TRRAP: variants seen among roughly 807,000 people sequenced by gnomAD.
TRRAP encodes the protein transformation/transcription domain associated protein, also known as transformation/transcription domain-associated protein.
TRRAP carries 41 observed loss-of-function variants against 438.8 expected under a neutral mutation model. That is an observed-to-expected ratio of 0.09 (90% confidence interval 0.07 to 0.12). TRRAP has a LOEUF of 0.12. Among genes scored for constraint, TRRAP ranks in the 10% least tolerant of loss-of-function variants. TRRAP has a pLI of 1.00. For synonymous variants in TRRAP, 1,994 were observed against 1,962.9 expected, an observed-to-expected ratio of 1.02 and a Z score of -0.42; for missense variants, 3,122 against 5,055.1, an observed-to-expected ratio of 0.62 and a Z score of 11.60.
Position 98,949,557 on chromosome 7 carries a change from G to A in TRRAP, c.4929G>A (p.Leu1643=), listed in dbSNP as rs1490783325. Residue 1643 remains leucine (L), a synonymous_variant, in exon 36 of 73, where the codon CTG becomes CTA. Transcript: ENST00000456197. ...CGCCCAGCACCAGCACCATGCGCCT[G>A]GACCTCCAGTTCCAGGCCATCAAGG... is the stretch of plus-strand genomic sequence containing the variant. ...PGSPSTSTMR[L]DLQFQAIKII... The A allele has an allele frequency of 4.4e-6, 7 of 1,587,398 alleles. No individual in the cohort carries two copies. The highest frequency in any genetic ancestry group is 6.0e-6 in the Non-Finnish European group (7 of 1,167,236).
In TRRAP at chr7:98,977,210, G is replaced by A. The variant is rs1349109354; in HGVS notation, c.8385+134G>A. 4.9e-6 allele frequency: 6 copies of A among 1,233,426 alleles called. No homozygotes were observed. In the South Asian group the frequency reaches 7.2e-5, roughly 15 times the overall value. The allele number at this position is 1,233,426 out of a possible 1,614,324, so 76.4% of individuals were successfully genotyped here. Reference sequence around the variant, plus strand: ...GGAGTCTTGCTCTGTCGCCCAGCCTGGAGTGCAGTGGCACAATCTCGGCTC... The same window carrying A: ...GGAGTCTTGCTCTGTCGCCCAGCCTAGAGTGCAGTGGCACAATCTCGGCTC... On this transcript the variant is annotated intron_variant, in intron 56 of 72. Coordinates refer to ENST00000456197, the MANE Select transcript of TRRAP (RefSeq NM_001375524.1).
chr7:98,976,894 A>T lies in TRRAP; in HGVS notation c.8248-45A>T, dbSNP rs777687469. On this transcript the variant is annotated intron_variant, in intron 55 of 72. Transcript: ENST00000456197. The surrounding 1 kb of genome is among the most constrained non-coding windows in gnomAD (Gnocchi z 4.6). ...TGAAACTATTTTTAGGGGGGAAAAAAAGTCTCTGTCTCAAGCACTCAGGAA... is the reference window on the plus strand; with the variant it reads ...TGAAACTATTTTTAGGGGGGAAAAATAGTCTCTGTCTCAAGCACTCAGGAA... 7 of 1,607,576 alleles carry T rather than the reference A, an allele frequency of 4.4e-6. No individual in the cohort carries two copies. In the South Asian group the frequency reaches 7.7e-5, roughly 18 times the overall value.
chr7:98,886,402 A>AGATATCTAGAGAGATATG (rs1393990247), intron 3 of TRRAP, among the ~76,000 whole-genome samples: 1 of 152,132 alleles, frequency 6.6e-6, no homozygotes, highest in East Asian at 1.9e-4. Flanking sequence ...AGATAGATAT[A>AGATATCTAGAGAGATATG]GATATCTAGA....
chr7:98,931,290 G>A, intron 25 of TRRAP, 115 bp from the exon 26 acceptor site: 1 of 1,460,086 alleles, frequency 6.8e-7, no homozygotes, highest in Non-Finnish European at 9.2e-7. Context: ...AAAGCAGCTG[G>A]CGAGAAGGGC....
intron 3 of TRRAP, among the ~76,000 whole-genome samples, chr7:98,886,348 A>T (rs1479996667): frequency 6.6e-6 from 1 of 151,978 alleles, no homozygotes; most frequent in Non-Finnish European, 1.5e-5. Context: ...ATAGATATAG[A>T]TATCTATATA....
chr7:99,006,240 C>T (rs1481684649), intron 69 of TRRAP, among the ~76,000 whole-genome samples: 3 of 152,188 alleles, frequency 2.0e-5, no homozygotes, highest in African/African-American at 4.8e-5. Context: ...TCCCTGAAGT[C>T]GGGAGCCCGC....
rs368388358 is a variant in TRRAP at position 98,925,149 on chromosome 7, A to G, written c.2861A>G (p.Asn954Ser). The change falls in exon 22 of 73, where the codon AAC becomes AGC. Residue 954 changes from asparagine (N) to serine (S), a missense_variant. This residue lies in a region of TRRAP where 133 missense variants were observed against 188.6 expected (regional missense o/e 0.71). Transcript: ENST00000456197. ...ETALDCLKSA[N>S]TEPYYRRQAW... is the part of the protein sequence containing the mutation. ...GCTCTGGACTGCCTGAAAAGCGCCA[A>G]CACTGAGCCCTACTACCGGAGGCAG... 2.8e-5 allele frequency: 46 copies of G among 1,614,230 alleles called. No individual in the cohort carries two copies. Among genetic ancestry groups the G allele is most frequent in the Non-Finnish European group, 2.8e-5 (33 of 1,180,040 alleles).
chr7:99,010,773 T>C (rs1483774985), intron 70 of TRRAP, among the ~76,000 whole-genome samples: 1 of 152,236 alleles, frequency 6.6e-6, no homozygotes, highest in Non-Finnish European at 1.5e-5. Flanking sequence ...GATATTTACC[T>C]GCATTCTTGT....
In TRRAP at chr7:99,011,658, C is replaced by A. The variant is rs1794432536; in HGVS notation, c.11337+123C>A. On this transcript the variant is annotated intron_variant, in intron 72 of 72. Transcript: ENST00000456197. The surrounding 1 kb of genome is among the most constrained non-coding windows in gnomAD (Gnocchi z 7.1). ...TCTGCGCTCTCCACAGTGGCCAGCA[C>A]CCCTGTGTGTTATGTCCTTTGCTGT... The A allele has an allele frequency of 1.8e-6, 2 of 1,140,584 alleles. No homozygotes were observed. Among genetic ancestry groups the A allele is most frequent in the East Asian group, 2.5e-5 (1 of 39,376 alleles). The allele number at this position is 1,140,584 out of a possible 1,614,324, so 70.7% of individuals were successfully genotyped here. A position where few individuals can be genotyped will look rare whatever the true frequency, so the allele number is the denominator to read the frequency against.
At chr7:98,988,244 G>A (rs1793239758) in intron 62 of TRRAP, among the ~76,000 whole-genome samples, 1 of 152,170 alleles carries the variant, frequency 6.6e-6, no homozygotes, top group East Asian at 1.9e-4. Context: ...TAAGCATAGA[G>A]TTCCCACGTG....
At chr7:98,950,844 T>C (rs781889945) in intron 38 of TRRAP, 32 bp from the exon 39 acceptor site, 86 of 1,499,734 alleles carry the variant, frequency 5.7e-5, no homozygotes, top group Non-Finnish European at 7.5e-5. Context: ...TGGCTTTGTT[T>C]TTCTCCTTCT....
At chr7:98,981,997 GCCT>G (rs1373295372) in intron 59 of TRRAP, 37 bp downstream of exon 59, 23 of 1,484,328 alleles carry the variant, frequency 1.5e-5, no homozygotes, top group Non-Finnish European at 2.0e-5. Context: ...CAGGCCTGTG[GCCT>G]GTCGCAGCCA....
At chr7:98,973,726 T>C (rs1426097264) in intron 53 of TRRAP, among the ~76,000 whole-genome samples, 2 of 152,182 alleles carry the variant, frequency 1.3e-5, no homozygotes, top group Non-Finnish European at 2.9e-5. Flanking sequence ...AGGCCGGAGC[T>C]GCAGACGTCA....
At chr7:98,898,672 C>T (rs1021558754) in intron 8 of TRRAP, among the ~76,000 whole-genome samples, 1 of 152,136 alleles carries the variant, frequency 6.6e-6, no homozygotes, top group Non-Finnish European at 1.5e-5. Context: ...TTCCTTGTTT[C>T]ATGAGTCCTT....
intron 37 of TRRAP, 26 bp from the exon 38 acceptor site, chr7:98,950,037 AC>A (rs1554417867): frequency 6.2e-7 from 1 of 1,613,224 alleles, no homozygotes; most frequent in Admixed American, 1.7e-5. Context: ...CTCTAAGTTA[AC>A]CTGTCTTCTT....
At chr7:98,995,103 CTGCCCTCCT>C (rs1023478027) in intron 67 of TRRAP, among the ~76,000 whole-genome samples, 1 of 152,186 alleles carries the variant, frequency 6.6e-6, no homozygotes, top group Non-Finnish European at 1.5e-5. Flanking sequence ...TCAGGCCACA[CTGCCCTCCT>C]GCCCTCCTGC....
rs368850335 is a variant in TRRAP at position 98,897,794 on chromosome 7, A to G, written c.561A>G (p.Pro187=). 3.7e-6 allele frequency: 6 copies of G among 1,613,702 alleles called. No homozygotes were observed. The highest frequency in any genetic ancestry group is 5.1e-6 in the Non-Finnish European group (6 of 1,179,968). The change falls in exon 8 of 73, where the codon CCA becomes CCG. Residue 187 remains proline (P), a synonymous_variant. Transcript: ENST00000456197. ...TCCCCGAGAACACAGTGCCTCCCCC[A>G]GAAATGGTTGGTATGATAACAACGA... ...QVIPENTVPP[P]EMVGMITTIA... is the part of the protein sequence containing the mutation.
chr7:98,941,452 G>A (rs1790792562), intron 30 of TRRAP, among the ~76,000 whole-genome samples: 1 of 152,198 alleles, frequency 6.6e-6, no homozygotes, highest in Non-Finnish European at 1.5e-5. Context: ...TTACAGGAGT[G>A]AGCTACCGCG....
In TRRAP at chr7:98,899,400, C is replaced by G. The variant is rs1554406281; in HGVS notation, c.634-22C>G. On this transcript the variant is annotated intron_variant, in intron 8 of 72. Coordinates refer to ENST00000456197, the MANE Select transcript of TRRAP (RefSeq NM_001375524.1). ...TAAATGCCACAATGGTAACCCGGGT[C>G]CTACCCATTTCTGTCTTCCAGCATT... is the stretch of plus-strand genomic sequence containing the variant. 2.5e-6 allele frequency: 4 copies of G among 1,612,386 alleles called. No individual in the cohort carries two copies. The African/African-American group carries it at 4.0e-5, about 16-fold the overall frequency.
Sources: gnomAD v4.1 joint callset for allele counts (sites outside exome capture counted in the v4.1 genomes callset) on GRCh38, gnomAD v4.1.1 for gene constraint, gnomAD v4.1.1 regional missense constraint, Gnocchi (gnomAD v3.1) non-coding constraint, MANE v1.5 for transcripts, NCBI Gene and HGNC (gene_info 2026-07-23, HGNC 2026-07-21) for gene names.